Variants in HECW1 observed in about 807,000 individuals in gnomAD.
HECW1 encodes E3 ubiquitin-protein ligase HECW1.
HECW1 carries 61 observed loss-of-function variants against 182.3 expected under a neutral mutation model. The observed-to-expected ratio is 0.33, with a 90% CI of 0.27 to 0.41. The LOEUF (loss-of-function observed/expected upper bound fraction) is 0.41. HECW1 is among the 10% of genes least tolerant of loss of function. The pLI, the probability that HECW1 is intolerant of heterozygous loss-of-function variation, is 1.00. For missense variants in HECW1, 1,739 were observed against 2,108.9 expected (o/e 0.82, Z 3.44); for synonymous variants, 859 against 832.6 (o/e 1.03, Z -0.55).
intron 3 of HECW1, among the ~76,000 whole-genome samples, chr7:43,277,641 T>A (rs1803328135): frequency 6.6e-6 from 1 of 152,144 alleles, no homozygotes; most frequent in Non-Finnish European, 1.5e-5. Flanking sequence ...CCACCAGCAA[T>A]TTCTCCCAGA....
At chr7:43,161,941 G>A (rs1212280710) in intron 2 of HECW1, among the ~76,000 whole-genome samples, 1 of 152,198 alleles carries the variant, frequency 6.6e-6, no homozygotes, top group Non-Finnish European at 1.5e-5. Flanking sequence ...TCATGGGCTT[G>A]CGCCTTTCAC....
intron 11 of HECW1, among the ~76,000 whole-genome samples, chr7:43,447,199 C>G (rs947109224): frequency 1.7e-4 from 26 of 151,682 alleles, no homozygotes; most frequent in Admixed American, 1.5e-3. Context: ...AGTGTACTGA[C>G]ACTTTTCTTA....
intron 3 of HECW1, chr7:43,274,405 C>A: frequency 1.6e-6 from 1 of 636,062 alleles, no homozygotes; most frequent in East Asian, 2.9e-5. Flanking sequence ...CGTCTGGCTG[C>A]TCTATGACTC....
intron 5 of HECW1, among the ~76,000 whole-genome samples, chr7:43,322,786 C>G (rs549039636): frequency 6.6e-6 from 1 of 152,138 alleles, no homozygotes; most frequent in African/African-American, 2.4e-5. Flanking sequence ...GTGCACAAAC[C>G]TACAATGGAA....
chr7:43,556,085 A>T (rs1361449027), intron 29 of HECW1, among the ~76,000 whole-genome samples: 1 of 152,218 alleles, frequency 6.6e-6, no homozygotes, highest in African/African-American at 2.4e-5. Flanking sequence ...GTAACTAATC[A>T]CAGCACAAGG....
intron 2 of HECW1, among the ~76,000 whole-genome samples, chr7:43,146,414 C>T (rs2152638737): frequency 6.6e-6 from 1 of 152,212 alleles, no homozygotes; most frequent in South Asian, 2.1e-4. Flanking sequence ...GGTTGGGAAC[C>T]ACTAGATTAT....
rs2076560313 is a variant in HECW1, at chr7:43,431,886, T to A, written c.802-6117T>A. On this transcript the variant is annotated intron_variant, in intron 8 of 29. Coordinates refer to ENST00000395891, the MANE Select transcript of HECW1 (RefSeq NM_015052.5). ...TTCATCCCACCGACACTTGCTTTTT[T>A]TTTTTTTTGAGATGGAGTCTCACTC... is the stretch of plus-strand genomic sequence containing the variant. 3.3e-5 allele frequency among the ~76,000 whole-genome samples: 5 copies of A among 152,120 alleles called. No individual in the cohort carries two copies. In the South Asian group the frequency reaches 1.0e-3, roughly 32 times the overall value.
chr7:43,201,675 A>G (rs905540744), intron 2 of HECW1, among the ~76,000 whole-genome samples: 8 of 152,260 alleles, frequency 5.3e-5, no homozygotes, highest in Non-Finnish European at 1.0e-4. Flanking sequence ...AAAGAAAATC[A>G]GCAATTCTCC....
chr7:43,441,882 A>G (rs769168314), intron 9 of HECW1, among the ~76,000 whole-genome samples: 1 of 152,274 alleles, frequency 6.6e-6, no homozygotes, highest in Admixed American at 6.5e-5. Flanking sequence ...TTTAGCCCAC[A>G]GGCTGTAATT....
intron 11 of HECW1, among the ~76,000 whole-genome samples, chr7:43,447,801 T>C (rs2077105736): frequency 6.6e-6 from 1 of 152,168 alleles, no homozygotes; most frequent in Non-Finnish European, 1.5e-5. Context: ...TCGCCTTGAC[T>C]TCTAAGATTG....
chr7:43,122,823 A>C (rs947345130), intron 2 of HECW1, among the ~76,000 whole-genome samples: 9 of 152,214 alleles, frequency 5.9e-5, no homozygotes, highest in African/African-American at 2.2e-4. Context: ...CTATACACAA[A>C]TATGTATAAA....
intron 8 of HECW1, among the ~76,000 whole-genome samples, chr7:43,418,660 GT>G (rs1282257414): frequency 3.3e-5 from 5 of 150,702 alleles, no homozygotes; most frequent in Admixed American, 6.6e-5. Flanking sequence ...TTGCCATTTG[GT>G]TTTTTTTAAT....
chr7:43,392,151 C>G (rs1274013661), intron 6 of HECW1, among the ~76,000 whole-genome samples: 1 of 152,136 alleles, frequency 6.6e-6, no homozygotes, highest in Non-Finnish European at 1.5e-5. Flanking sequence ...TCAAAGTTTT[C>G]TGGGCCAGAT....
chr7:43,361,811 C>T (rs66974904), intron 6 of HECW1, among the ~76,000 whole-genome samples: 1 of 125,372 alleles, frequency 8.0e-6, no homozygotes, highest in African/African-American at 3.1e-5. Context: ...AAAAAAGACT[C>T]TCTCTTTTTT....
intron 2 of HECW1, among the ~76,000 whole-genome samples, chr7:43,238,348 C>A (rs567416275): frequency 5.3e-4 from 80 of 152,220 alleles, no homozygotes; most frequent in Admixed American, 7.8e-4. Context: ...GGCTCCAGGA[C>A]CCAGCTTGAC....
intron 17 of HECW1, among the ~76,000 whole-genome samples, chr7:43,490,121 G>A (rs1033060451): frequency 1.3e-5 from 2 of 152,182 alleles, no homozygotes; most frequent in African/African-American, 4.8e-5. Flanking sequence ...CCTCACTTGG[G>A]ACATGAATTA....
rs1563045218 is a variant in HECW1, at chr7:43,488,391, G to A, written c.3235-3684G>A. Among the ~76,000 whole-genome samples the A allele has an allele frequency of 2.1e-3, 115 of 55,840 alleles. 4 individuals are homozygous for A. The highest frequency in any genetic ancestry group is 3.2e-3 in the Non-Finnish European group (88 of 27,328). 36.6% of individuals were successfully genotyped at this position (55,840 alleles called of 152,430 possible). The stretch of plus-strand genomic sequence containing the variant: ...GGAAGGAAGGAAGGAAGGAAGGAAG[G>A]AAGGAAGGAAATGAAAGAAAGAGAG... On this transcript the variant is annotated intron_variant, in intron 17 of 29. Transcript: ENST00000395891.
At chr7:43,392,005 A>T (rs192799558) in intron 6 of HECW1, among the ~76,000 whole-genome samples, 4 of 152,316 alleles carry the variant, frequency 2.6e-5, no homozygotes, top group Non-Finnish European at 5.9e-5. Flanking sequence ...TCTGATGCAA[A>T]GTGGAACTCG....
intron 2 of HECW1, among the ~76,000 whole-genome samples, chr7:43,223,519 C>T (rs544683762): frequency 1.6e-4 from 24 of 151,756 alleles, no homozygotes; most frequent in African/African-American, 4.8e-4. Context: ...CTCGGGAGGC[C>T]GAGGCAGGAG....
Sources: gnomAD v4.1 joint callset for allele counts (sites outside exome capture counted in the v4.1 genomes callset) on GRCh38, gnomAD v4.1.1 for gene constraint, MANE v1.5 for transcripts, NCBI Gene and HGNC (gene_info 2026-07-23, HGNC 2026-07-21) for gene names.